GULP1: variants seen among roughly 807,000 people sequenced by gnomAD.
GULP1 encodes GULP PTB domain containing engulfment adaptor 1.
In GULP1, 19 loss-of-function variants were observed where a neutral mutation model predicts 40.9. The ratio of observed to expected loss-of-function variants is 0.46; its 90% confidence interval spans 0.32 to 0.68. The LOEUF (loss-of-function observed/expected upper bound fraction) is 0.68. Ranked by LOEUF, GULP1 falls within the 30% of genes least tolerant of loss-of-function variation. The pLI, the probability that GULP1 is intolerant of heterozygous loss-of-function variation, is 0.03. For synonymous variants in GULP1, 119 were observed against 117.6 expected (o/e 1.01, Z -0.08); for missense variants, 312 against 362.2 (o/e 0.86, Z 1.12).
chr2:188,550,337 G>C (rs1693129352), intron 7 of GULP1, among the ~76,000 whole-genome samples: 1 of 151,524 alleles, frequency 6.6e-6, no homozygotes. Flanking sequence ...TACAAAACTA[G>C]AACAGAGAAT....
chr2:188,360,017 C>A (rs911025275), intron 1 of GULP1, among the ~76,000 whole-genome samples: 1 of 152,070 alleles, frequency 6.6e-6, no homozygotes, highest in Non-Finnish European at 1.5e-5. Context: ...TCAAGCCTTG[C>A]TGATTTTTTG....
At chr2:188,546,303 A>G (rs955574175) in intron 7 of GULP1, among the ~76,000 whole-genome samples, 1 of 152,002 alleles carries the variant, frequency 6.6e-6, no homozygotes, top group Non-Finnish European at 1.5e-5. Context: ...AAGATGTACC[A>G]AATTAAGTCA....
At chr2:188,397,318 A>C (rs926661162) in intron 2 of GULP1, among the ~76,000 whole-genome samples, 4 of 152,118 alleles carry the variant, frequency 2.6e-5, no homozygotes, top group Non-Finnish European at 5.9e-5. Flanking sequence ...CTAAAATATC[A>C]TTCCTAACTT....
intron 1 of GULP1, among the ~76,000 whole-genome samples, chr2:188,362,932 G>A (rs116257840): frequency 0.019 from 2,831 of 151,928 alleles, 86 homozygotes; most frequent in African/African-American, 0.062. Context: ...ATATGGAAAG[G>A]GAAAAAGACG....
At chr2:188,330,603 T>A (rs1025694472) in intron 1 of GULP1, among the ~76,000 whole-genome samples, 2 of 152,174 alleles carry the variant, frequency 1.3e-5, no homozygotes, top group African/African-American at 4.8e-5. Flanking sequence ...ATTCTGTGAT[T>A]TATGTCTAAC....
chr2:188,377,902 A>C (rs1010431654), intron 1 of GULP1, among the ~76,000 whole-genome samples: 3 of 152,180 alleles, frequency 2.0e-5, no homozygotes, highest in African/African-American at 7.2e-5. Context: ...TGAGGTTTGC[A>C]TACTTTTTCA....
intron 2 of GULP1, among the ~76,000 whole-genome samples, chr2:188,406,448 A>G (rs2053115079): frequency 1.3e-5 from 2 of 152,234 alleles, no homozygotes; most frequent in Admixed American, 1.3e-4. Flanking sequence ...AAGTTGAAGA[A>G]AAAACAAAAA....
In GULP1 at chr2:188,580,853, G is replaced by A. The variant is rs145609371; in HGVS notation, c.610-3412G>A. 6.4e-3 allele frequency among the ~76,000 whole-genome samples: 972 copies of A among 152,220 alleles called. 13 individuals are homozygous for A. Among genetic ancestry groups the A allele is most frequent in the African/African-American group, 0.023 (936 of 41,530 alleles). ...ATCAAAAATCAGATTATTTTTGGCT[G>A]CCTGAATTTTTGTTAGTGGTGAAAG... On this transcript the variant is annotated intron_variant, in intron 9 of 11. Coordinates refer to ENST00000409830, the MANE Select transcript of GULP1 (RefSeq NM_016315.4).
At chr2:188,544,946 C>T (rs533537024) in intron 7 of GULP1, among the ~76,000 whole-genome samples, 1 of 151,988 alleles carries the variant, frequency 6.6e-6, no homozygotes, top group Admixed American at 6.6e-5. Flanking sequence ...CATATTCAAG[C>T]TTCTGAAAAC....
intron 1 of GULP1, among the ~76,000 whole-genome samples, chr2:188,340,966 C>A (rs183383973): frequency 6.6e-6 from 1 of 152,276 alleles, no homozygotes; most frequent in Non-Finnish European, 1.5e-5. Context: ...CTTTTCTCCT[C>A]TTCTCTGCTC....
intron 2 of GULP1, among the ~76,000 whole-genome samples, chr2:188,449,308 G>A (rs1246293715): frequency 6.6e-6 from 1 of 152,090 alleles, no homozygotes; most frequent in Admixed American, 6.6e-5. Flanking sequence ...TCAGGCGTAG[G>A]TAATGTGTTT....
At chr2:188,514,198 T>C (rs1213706960) in intron 4 of GULP1, among the ~76,000 whole-genome samples, 2 of 152,154 alleles carry the variant, frequency 1.3e-5, no homozygotes, top group South Asian at 2.1e-4. Flanking sequence ...TAAACAATTA[T>C]CTTACTTGTT....
chr2:188,315,689 C>G (rs914850871), intron 1 of GULP1, among the ~76,000 whole-genome samples: 1 of 152,052 alleles, frequency 6.6e-6, no homozygotes, highest in African/African-American at 2.4e-5. Flanking sequence ...TAGTATGTAA[C>G]CCTGTATATA....
intron 9 of GULP1, among the ~76,000 whole-genome samples, chr2:188,571,129 C>T (rs1312029350): frequency 6.6e-6 from 1 of 151,982 alleles, no homozygotes; most frequent in Non-Finnish European, 1.5e-5. Context: ...TCCACTGCAG[C>T]CTGGGTGACA....
chr2:188,346,334 A>T (rs572560362), intron 1 of GULP1, among the ~76,000 whole-genome samples: 2 of 152,246 alleles, frequency 1.3e-5, no homozygotes, highest in Non-Finnish European at 2.9e-5. Flanking sequence ...TGATGAGTCA[A>T]GTAATGCCTC....
chr2:188,350,762 C>T (rs2044344296), intron 1 of GULP1, among the ~76,000 whole-genome samples: 1 of 151,846 alleles, frequency 6.6e-6, no homozygotes, highest in South Asian at 2.1e-4. Context: ...GGTATCTGTT[C>T]CAATACACAT....
chr2:188,371,396 G>T (rs930923663), intron 1 of GULP1, among the ~76,000 whole-genome samples: 1 of 152,008 alleles, frequency 6.6e-6, no homozygotes, highest in Admixed American at 6.6e-5. Flanking sequence ...ATGATAAATA[G>T]TACAAAGGAT....
intron 1 of GULP1, among the ~76,000 whole-genome samples, chr2:188,297,850 A>G (rs1174861438): frequency 1.3e-5 from 2 of 152,152 alleles, no homozygotes; most frequent in East Asian, 1.9e-4. Flanking sequence ...CATTTGTAGT[A>G]TGGTAGCAAA....
rs558365364 is a variant in GULP1 at position 188,469,477 on chromosome 2, G to A, written c.-44-8182G>A. 2.6e-5 allele frequency among the ~76,000 whole-genome samples: 4 copies of A among 152,276 alleles called. No individual in the cohort carries two copies. In the South Asian group the frequency reaches 8.3e-4, roughly 32 times the overall value. Reference sequence around the variant, plus strand: ...GGTTTAACTGGCTCACGGTTCTGCAGGCTGTACAGGAAGCATAGTGGTTTC... The same window carrying A: ...GGTTTAACTGGCTCACGGTTCTGCAAGCTGTACAGGAAGCATAGTGGTTTC... On this transcript the variant is annotated intron_variant, in intron 2 of 11. Coordinates refer to ENST00000409830, the MANE Select transcript of GULP1 (RefSeq NM_016315.4).
Sources: allele counts gnomAD v4.1 joint callset (sites outside exome capture counted in the v4.1 genomes callset), GRCh38; gene constraint gnomAD v4.1.1; transcripts MANE v1.5; gene names NCBI Gene and HGNC (gene_info 2026-07-23, HGNC 2026-07-21).